Variants in HMCN1 observed in about 807,000 individuals in gnomAD.
HMCN1 encodes the protein hemicentin 1.
Under a neutral mutation model 625.9 loss-of-function variants are expected in HMCN1, and 321 were observed. The ratio of observed to expected loss-of-function variants is 0.51; its 90% CI spans 0.47 to 0.56. The LOEUF is 0.56. Ranked by LOEUF, HMCN1 falls within the 20% of genes least tolerant of loss-of-function variation. The pLI is 0.00. For synonymous variants in HMCN1, 2,425 were observed against 2,417.6 expected (o/e 1.00, Z -0.09); for missense variants, 6,588 against 6,887.3 (o/e 0.96, Z 1.54).
At chr1:186,159,926 C>T (rs1014717582) in intron 97 of HMCN1, among the ~76,000 whole-genome samples, 1 of 152,106 alleles carries the variant, frequency 6.6e-6, no homozygotes, top group Non-Finnish European at 1.5e-5. Flanking sequence ...CAGGGTGATG[C>T]TGGCCTCATA....
chr1:185,764,537 A>G lies in HMCN1; in HGVS notation c.268+29490A>G, dbSNP rs542297178. On this transcript the variant is annotated intron_variant, in intron 1 of 106. Coordinates refer to ENST00000271588, the MANE Select transcript of HMCN1 (RefSeq NM_031935.3). Reference sequence around the variant, plus strand: ...TTTGAGTATCACTCTGTCAGGCAGTATCCATTAATTATCCCTTTTATCATG... The same window carrying G: ...TTTGAGTATCACTCTGTCAGGCAGTGTCCATTAATTATCCCTTTTATCATG... Among the ~76,000 whole-genome samples the G allele has an allele frequency of 4.6e-5, 7 of 152,308 alleles. No homozygotes were observed. In the East Asian group the frequency reaches 5.8e-4, roughly 13 times the overall value.
chr1:186,189,872 A>T lies in HMCN1; in HGVS notation c.16902A>T (p.Pro5634=), dbSNP rs1370333914. 1.2e-6 allele frequency: 2 copies of T among 1,613,452 alleles called. No individual in the cohort carries two copies. The highest frequency in any genetic ancestry group is 3.3e-5 in the Admixed American group (2 of 59,986). Reference sequence around the variant, plus strand: ...TTTATATAGCTGTGTCCGCCTATCCATACTAAGGAACTCTCCAAAGCCTAT... The same window carrying T: ...TTTATATAGCTGTGTCCGCCTATCCTTACTAAGGAACTCTCCAAAGCCTAT... ...FIVYIAVSAY[P]Y The change falls in exon 107 of 107, where the codon CCA becomes CCT. Residue 5634 remains proline (P), a synonymous_variant. Coordinates refer to ENST00000271588, the MANE Select transcript of HMCN1 (RefSeq NM_031935.3).
At chr1:186,038,738 A>G in intron 37 of HMCN1, 91 bp from the exon 38 acceptor site, 1 of 772,092 alleles carries the variant, frequency 1.3e-6, no homozygotes, top group Non-Finnish European at 2.3e-6. Flanking sequence ...AAGTATAAGA[A>G]TAAAGTAATA....
intron 4 of HMCN1, among the ~76,000 whole-genome samples, chr1:185,887,416 CA>C (rs1664734775): frequency 6.6e-6 from 1 of 151,202 alleles, no homozygotes; most frequent in Non-Finnish European, 1.5e-5. Context: ...ACTAACTCGT[CA>C]TCTAGCATTA....
At position 186,080,682 on chromosome 1, in the gene HMCN1, C is replaced by T. The variant is rs777012739; in HGVS notation, c.8600-525C>T. ...AAGAATTTGCATTTTTAACCAAGCTCGCAGATGATGCTGATGCTGATACCA... is the reference window on the plus strand; with the variant it reads ...AAGAATTTGCATTTTTAACCAAGCTTGCAGATGATGCTGATGCTGATACCA... On this transcript the variant is annotated intron_variant, in intron 55 of 106. Coordinates refer to ENST00000271588, the MANE Select transcript of HMCN1 (RefSeq NM_031935.3). Among the ~76,000 whole-genome samples the T allele has an allele frequency of 1.6e-4, 24 of 152,102 alleles. 1 individual carries two copies. The highest frequency in any genetic ancestry group is 6.2e-4 in the South Asian group (3 of 4,830).
At chr1:185,834,349 C>T (rs1009828293) in intron 1 of HMCN1, among the ~76,000 whole-genome samples, 1 of 152,174 alleles carries the variant, frequency 6.6e-6, no homozygotes, top group Non-Finnish European at 1.5e-5. Context: ...ACTGATTGGA[C>T]CTTGTGGTCC....
At chr1:186,157,642 C>G (rs143437069) in intron 97 of HMCN1, among the ~76,000 whole-genome samples, 2,292 of 152,288 alleles carry the variant, frequency 0.015, 31 homozygotes, top group South Asian at 0.037. Flanking sequence ...TTCCTGTGTC[C>G]ATGTGTTCTC....
Position 186,081,194 on chromosome 1 carries a change from A to G in HMCN1, c.8600-13A>G, listed in dbSNP as rs1478599204. 3 of 1,610,136 alleles carry G rather than the reference A, an allele frequency of 1.9e-6. No homozygotes were observed. The East Asian group carries it at 6.7e-5, about 36-fold the overall frequency. On this transcript the variant is annotated splice_polypyrimidine_tract_variant and intron_variant, in intron 55 of 106. Transcript: ENST00000271588. ...TTGCCCATTTTTCTCCCTTTGTTGCAATCCTTTGTTAGTGCCGCCAATTAT... is the reference window on the plus strand; with the variant it reads ...TTGCCCATTTTTCTCCCTTTGTTGCGATCCTTTGTTAGTGCCGCCAATTAT...
At chr1:186,068,447 G>C (rs1246828389) in intron 50 of HMCN1, among the ~76,000 whole-genome samples, 4 of 152,164 alleles carry the variant, frequency 2.6e-5, no homozygotes, top group Admixed American at 1.3e-4. Flanking sequence ...GGCTTTAAGA[G>C]ACTGACAGTC....
In HMCN1 at chr1:186,057,445, C is replaced by T. The variant is rs375465508; in HGVS notation, c.7312+44C>T. On this transcript the variant is annotated intron_variant, in intron 46 of 106. Transcript: ENST00000271588. ...GCCTTATAATCTTGTTAGCTTCATACGGCTACAATTTCTCCTTAATTTCAA... is the reference window on the plus strand; with the variant it reads ...GCCTTATAATCTTGTTAGCTTCATATGGCTACAATTTCTCCTTAATTTCAA... 493 of 1,312,518 alleles carry T rather than the reference C, an allele frequency of 3.8e-4. 1 individual carries two copies. Among genetic ancestry groups the T allele is most frequent in the Non-Finnish European group, 2.2e-4 (196 of 906,964 alleles). The allele number at this position is 1,312,518 out of a possible 1,614,324, so 81.3% of individuals were successfully genotyped here. A position where few individuals can be genotyped will look rare whatever the true frequency, so the allele number is the denominator to read the frequency against.
At chr1:185,847,349 G>T (rs1374566642) in intron 2 of HMCN1, among the ~76,000 whole-genome samples, 1 of 152,100 alleles carries the variant, frequency 6.6e-6, no homozygotes, top group Non-Finnish European at 1.5e-5. Flanking sequence ...CTCCCATGAT[G>T]TTACTATGTT....
At chr1:185,941,947 C>T (rs1238868542) in intron 11 of HMCN1, among the ~76,000 whole-genome samples, 1 of 151,954 alleles carries the variant, frequency 6.6e-6, no homozygotes, top group Non-Finnish European at 1.5e-5. Flanking sequence ...TATCTCAGCA[C>T]TTTGGGAGGC....
At chr1:185,987,815 T>C (rs1652103851) in intron 20 of HMCN1, among the ~76,000 whole-genome samples, 1 of 151,940 alleles carries the variant, frequency 6.6e-6, no homozygotes, top group Non-Finnish European at 1.5e-5. Flanking sequence ...ACTGCTGCAC[T>C]TGCTGGCTGT....
At position 186,069,736 on chromosome 1, in the gene HMCN1, G is replaced by A; in HGVS notation, c.7953G>A (p.Glu2651=). Residue 2651 remains glutamate (E), a synonymous_variant, in exon 51 of 107, where the codon GAG becomes GAA. Transcript: ENST00000271588. Reference sequence around the variant, plus strand: ...GATACTCTTGTGTAGCCACGAATGAGGCTGGAGAAATGATAAAGCACTATG... The same window carrying A: ...GATACTCTTGTGTAGCCACGAATGAAGCTGGAGAAATGATAAAGCACTATG... The part of the protein sequence containing the change: ...AGRYSCVATN[E]AGEMIKHYEV... 1.9e-6 allele frequency: 3 copies of A among 1,613,518 alleles called. No individual in the cohort carries two copies. Among genetic ancestry groups the A allele is most frequent in the Non-Finnish European group, 2.5e-6 (3 of 1,179,716 alleles).
At chr1:185,937,548 A>G (rs972093284) in intron 11 of HMCN1, among the ~76,000 whole-genome samples, 1 of 152,206 alleles carries the variant, frequency 6.6e-6, no homozygotes, top group African/African-American at 2.4e-5. Context: ...CATTCAAACC[A>G]TAACATAAGG....
intron 1 of HMCN1, among the ~76,000 whole-genome samples, chr1:185,830,855 T>G (rs903461913): frequency 2.0e-5 from 3 of 151,634 alleles, no homozygotes; most frequent in African/African-American, 7.3e-5. Flanking sequence ...GCCACTGCAC[T>G]CCAGCCTGGG....
intron 11 of HMCN1, among the ~76,000 whole-genome samples, chr1:185,935,852 G>C (rs1667787679): frequency 6.6e-6 from 1 of 152,028 alleles, no homozygotes; most frequent in Non-Finnish European, 1.5e-5. Flanking sequence ...AAAAGCTATG[G>C]GTATTTGATG....
At chr1:185,738,293 G>A (rs1653735394) in intron 1 of HMCN1, among the ~76,000 whole-genome samples, 1 of 152,142 alleles carries the variant, frequency 6.6e-6, no homozygotes, top group Non-Finnish European at 1.5e-5. Flanking sequence ...GCACCCTTCA[G>A]CTTTCAGTCT....
intron 1 of HMCN1, among the ~76,000 whole-genome samples, chr1:185,798,670 A>G (rs1658569895): frequency 6.6e-6 from 1 of 151,960 alleles, no homozygotes; most frequent in African/African-American, 2.4e-5. Flanking sequence ...CTATTGTTAA[A>G]ACTTTCAACT....
Sources: gnomAD v4.1 joint callset for allele counts (sites outside exome capture counted in the v4.1 genomes callset) on GRCh38, gnomAD v4.1.1 for gene constraint, MANE v1.5 for transcripts, NCBI Gene and HGNC (gene_info 2026-07-23, HGNC 2026-07-21) for gene names.